MIS18A: variants seen among roughly 807,000 people sequenced by gnomAD.
The protein encoded by MIS18A is MIS18 kinetochore protein A.
Under a neutral mutation model 25.0 loss-of-function variants are expected in MIS18A, and 14 were observed. The observed-to-expected ratio is 0.56, with a 90% CI of 0.37 to 0.88. The LOEUF is 0.88. Ranked by LOEUF, MIS18A falls within the 40% of genes least tolerant of loss-of-function variation. The pLI, the probability that MIS18A is intolerant of heterozygous loss-of-function variation, is 0.00. For missense variants in MIS18A, 292 were observed against 290.8 expected (o/e 1.00, Z -0.03); for synonymous variants, 134 against 118.6 (o/e 1.13, Z -0.84).
the MIS18A span, among the ~76,000 whole-genome samples, chr21:32,170,459 G>A: frequency 6.6e-6 from 1 of 151,964 alleles, no homozygotes; most frequent in African/African-American, 2.4e-5. Flanking sequence ...TATAAGAAAT[G>A]GAAATTCTGG....
intron 2 of MIS18A, 91 bp downstream of exon 2, chr21:32,274,739 C>T: frequency 2.0e-6 from 2 of 990,290 alleles, no homozygotes; most frequent in East Asian, 2.6e-5. Context: ...AAAGTTTTAT[C>T]CCAAGTAATC....
At chr21:32,188,621 G>C in the MIS18A span, among the ~76,000 whole-genome samples, 3 of 152,194 alleles carry the variant, frequency 2.0e-5, no homozygotes, top group African/African-American at 7.2e-5. Flanking sequence ...TGGGTCCTTT[G>C]CTGGGAGCAG....
At chr21:32,167,705 G>A in the MIS18A span, among the ~76,000 whole-genome samples, 1 of 152,108 alleles carries the variant, frequency 6.6e-6, no homozygotes, top group Non-Finnish European at 1.5e-5. Flanking sequence ...TTTTCCAAAT[G>A]AATTAAAGAC....
chr21:32,186,168 A>C, the MIS18A span, among the ~76,000 whole-genome samples: 1 of 152,114 alleles, frequency 6.6e-6, no homozygotes, highest in East Asian at 1.9e-4. Flanking sequence ...AACTCCTAAC[A>C]CTTTGATTGT....
the MIS18A span, among the ~76,000 whole-genome samples, chr21:32,197,095 G>A: frequency 6.6e-6 from 1 of 152,140 alleles, no homozygotes; most frequent in South Asian, 2.1e-4. Flanking sequence ...GAACTGATAC[G>A]GGTTTATTAC....
At chr21:32,203,077 T>C in the MIS18A span, among the ~76,000 whole-genome samples, 7 of 151,860 alleles carry the variant, frequency 4.6e-5, no homozygotes, top group Admixed American at 6.6e-5. Flanking sequence ...AAATTTGTAA[T>C]GTAATAGAAA....
the MIS18A span, among the ~76,000 whole-genome samples, chr21:32,172,258 T>C: frequency 0.021 from 3,161 of 152,116 alleles, 51 homozygotes; most frequent in Non-Finnish European, 0.032. Flanking sequence ...TAAAAATAGA[T>C]CTATCATAGG....
chr21:32,216,214 A>G, the MIS18A span, among the ~76,000 whole-genome samples: 2 of 152,166 alleles, frequency 1.3e-5, no homozygotes, highest in Admixed American at 6.5e-5. Context: ...TAATTTGCCT[A>G]TTCCCATCCC....
the MIS18A span, among the ~76,000 whole-genome samples, chr21:32,203,259 A>G: frequency 6.6e-5 from 10 of 152,202 alleles, no homozygotes; most frequent in African/African-American, 2.4e-4. Flanking sequence ...GAAAAAATAA[A>G]GAAGAAAAAA....
the MIS18A span, among the ~76,000 whole-genome samples, chr21:32,165,417 C>T: frequency 0.015 from 2,160 of 141,476 alleles, 59 homozygotes; most frequent in African/African-American, 0.055. Flanking sequence ...AATTAATTAA[C>T]TAAGTAACAT....
At chr21:32,181,740 T>C in the MIS18A span, among the ~76,000 whole-genome samples, 1 of 152,054 alleles carries the variant, frequency 6.6e-6, no homozygotes, top group Non-Finnish European at 1.5e-5. Flanking sequence ...GAAACAGGAA[T>C]GAGGGCAGTG....
the MIS18A span, among the ~76,000 whole-genome samples, chr21:32,208,724 A>G: frequency 6.6e-6 from 1 of 152,218 alleles, no homozygotes; most frequent in Non-Finnish European, 1.5e-5. Context: ...CCACCAATTT[A>G]CAGGAGCTTT....
At chr21:32,249,418 T>C in the MIS18A span, among the ~76,000 whole-genome samples, 4 of 152,172 alleles carry the variant, frequency 2.6e-5, no homozygotes, top group South Asian at 8.3e-4. Context: ...CAGGCACTCA[T>C]CCACACTGTT....
At chr21:32,219,828 T>C in the MIS18A span, among the ~76,000 whole-genome samples, 1 of 152,106 alleles carries the variant, frequency 6.6e-6, no homozygotes, top group African/African-American at 2.4e-5. Context: ...GAGTAGGTGA[T>C]TTCCCCCTCA....
chr21:32,274,486 G>C (rs569881054), intron 2 of MIS18A, among the ~76,000 whole-genome samples: 1 of 151,944 alleles, frequency 6.6e-6, no homozygotes, highest in Non-Finnish European at 1.5e-5. Context: ...GATTACAGGC[G>C]TGAGCCACCG....
At chr21:32,245,082 A>G in the MIS18A span, among the ~76,000 whole-genome samples, 1 of 152,210 alleles carries the variant, frequency 6.6e-6, no homozygotes. Flanking sequence ...CATCGTTCTC[A>G]ACAATAAAAC....
At chr21:32,197,386 T>C in the MIS18A span, among the ~76,000 whole-genome samples, 1 of 152,232 alleles carries the variant, frequency 6.6e-6, no homozygotes, top group Non-Finnish European at 1.5e-5. Flanking sequence ...ACTGCCCATC[T>C]ATAGTTCTTG....
chr21:32,264,172 T>C (rs886579773), downstream of MIS18A, among the ~76,000 whole-genome samples: 2 of 152,172 alleles, frequency 1.3e-5, no homozygotes, highest in Admixed American at 1.3e-4. Flanking sequence ...AGGAAATATT[T>C]TAAGTGAAAA....
chr21:32,184,453 G>A, the MIS18A span, among the ~76,000 whole-genome samples: 356 of 152,294 alleles, frequency 2.3e-3, 3 homozygotes, highest in African/African-American at 8.0e-3. Flanking sequence ...CCTCCTTTAG[G>A]AAATAGGCCA....
Sources: gnomAD v4.1 joint callset for allele counts (sites outside exome capture counted in the v4.1 genomes callset) on GRCh38, gnomAD v4.1.1 for gene constraint, MANE v1.5 for transcripts, NCBI Gene and HGNC (gene_info 2026-07-23, HGNC 2026-07-21) for gene names.